KCNK10: variants seen among roughly 807,000 people sequenced by gnomAD.
KCNK10 encodes potassium channel subfamily K member 10.
A neutral mutation model predicts 47.7 loss-of-function variants in KCNK10; 25 were observed. The observed-to-expected ratio is 0.52, with a 90% confidence interval of 0.38 to 0.73. The LOEUF (loss-of-function observed/expected upper bound fraction) is 0.73, where lower values mean the gene tolerates loss of function less well. Among genes scored for constraint, KCNK10 ranks in the 30% least tolerant of loss-of-function variants. The pLI is 0.00. For synonymous variants in KCNK10, 303 were observed against 285.6 expected (o/e 1.06, Z -0.61); for missense variants, 563 against 714.5 (o/e 0.79, Z 2.42).
chr14:88,191,893 C>T (rs1884759637), intron 5 of KCNK10, among the ~76,000 whole-genome samples: 1 of 152,186 alleles, frequency 6.6e-6, no homozygotes, highest in Non-Finnish European at 1.5e-5. Context: ...CTAACACAGC[C>T]TTTATCATTG....
chr14:88,245,104 A>G (rs1886593542), intron 2 of KCNK10, among the ~76,000 whole-genome samples: 2 of 152,254 alleles, frequency 1.3e-5, no homozygotes, highest in Admixed American at 1.3e-4. Flanking sequence ...TTTTAAGTTA[A>G]CAATAAATAA....
chr14:88,192,519 G>A (rs917842301), intron 4 of KCNK10, 109 bp from the exon 5 acceptor site: 97 of 892,888 alleles, frequency 1.1e-4, no homozygotes, highest in Non-Finnish European at 1.5e-4. Context: ...CCTTTCTCTG[G>A]TCATTGGCTG....
At chr14:88,262,747 A>T (rs1566706964) in intron 2 of KCNK10, among the ~76,000 whole-genome samples, 1 of 152,228 alleles carries the variant, frequency 6.6e-6, no homozygotes, top group Non-Finnish European at 1.5e-5. Flanking sequence ...GGCCACTGAC[A>T]GCCTCTTCAC....
intron 1 of KCNK10, among the ~76,000 whole-genome samples, chr14:88,277,180 A>G (rs1339334371): frequency 6.6e-6 from 1 of 151,310 alleles, no homozygotes; most frequent in African/African-American, 2.4e-5. Context: ...TTCATTTCAA[A>G]GTCACCAAAA....
Position 88,256,667 on chromosome 14 carries a change from A to G in KCNK10, c.402+6535T>C, listed in dbSNP as rs187427438. ...GGCACTCTGCACTTGAACAGTAGAA[A>G]TAAAATTTTTCTATGAGAAAATCCA... On this transcript the variant is annotated intron_variant, in intron 2 of 6. Transcript: ENST00000319231. Among the ~76,000 whole-genome samples, 25 of 151,964 alleles carry G rather than the reference A, an allele frequency of 1.6e-4. No homozygotes were observed. The East Asian group carries it at 2.9e-3, about 18-fold the overall frequency.
chr14:88,309,123 C>T (rs776147230), intron 1 of KCNK10, among the ~76,000 whole-genome samples: 1 of 152,080 alleles, frequency 6.6e-6, no homozygotes, highest in Non-Finnish European at 1.5e-5. Context: ...AAGAAGACTC[C>T]GGGCAAATAT....
chr14:88,226,297 T>C (rs1168986937), intron 4 of KCNK10, among the ~76,000 whole-genome samples: 3 of 152,172 alleles, frequency 2.0e-5, no homozygotes. Flanking sequence ...AAAAAGCCTC[T>C]GAAACTGCTC....
chr14:88,211,732 C>T (rs1184462709), intron 4 of KCNK10, among the ~76,000 whole-genome samples: 1 of 151,446 alleles, frequency 6.6e-6, no homozygotes, highest in Non-Finnish European at 1.5e-5. Context: ...CCCGTCTCTA[C>T]TAAAAATACA....
intron 1 of KCNK10, among the ~76,000 whole-genome samples, chr14:88,294,633 C>T (rs1166061014): frequency 6.6e-6 from 1 of 152,164 alleles, no homozygotes; most frequent in Non-Finnish European, 1.5e-5. Context: ...AGGCCTCAAG[C>T]AATCCAAATA....
In KCNK10 at chr14:88,192,263, C is replaced by T. The variant is rs769809431; in HGVS notation, c.829G>A (p.Val277Ile). The change falls in exon 5 of 7, where the codon GTC becomes ATC. Residue 277 changes from valine to isoleucine, a missense_variant. Coordinates refer to ENST00000319231, the MANE Select transcript of KCNK10 (RefSeq NM_138317.3). ...CCAAAGCCCACCGTGGTCAGAGTGA[C>T]CACCACAAAGTAAATGGACTCCAAG... ...TALESIYFVV[V>I]TLTTVGFGDF... is the part of the protein sequence containing the mutation. 3.7e-6 allele frequency: 6 copies of T among 1,613,704 alleles called. No individual in the cohort carries two copies. Among genetic ancestry groups the T allele is most frequent in the Non-Finnish European group, 4.2e-6 (5 of 1,179,882 alleles).
intron 2 of KCNK10, among the ~76,000 whole-genome samples, chr14:88,258,873 C>G (rs4904440): frequency 0.67 from 101,598 of 152,000 alleles, 34,435 homozygotes; most frequent in African/African-American, 0.79. Flanking sequence ...GGCTATCCAG[C>G]CATTTTGAGG....
chr14:88,192,246 C>T lies in KCNK10; in HGVS notation c.846G>A (p.Val282=). The T allele has an allele frequency of 6.2e-7, 1 of 1,613,390 alleles. No homozygotes were observed. Among genetic ancestry groups the T allele is most frequent in the Non-Finnish European group, 8.5e-7 (1 of 1,179,668 alleles). ...TACCTGCCACAAAATCACCAAAGCC[C>T]ACCGTGGTCAGAGTGACCACCACAA... ...IYFVVVTLTT[V]GFGDFVAGGN... is the part of the protein sequence containing the mutation. Residue 282 remains valine, a synonymous_variant, in exon 5 of 7, where the codon GTG becomes GTA. Transcript: ENST00000319231.
Position 88,188,086 on chromosome 14 carries a change from G to A in KCNK10, c.892C>T (p.Arg298Trp), listed in dbSNP as rs763733103. ...VAGGNAGINYREWYKPLVWFW... is the reference protein window; with the variant it reads ...VAGGNAGINYWEWYKPLVWFW... ...CACACTAGGGGCTTATACCACTCCCGATAATTGATGCCAGCGTTTCCCCCT... is the reference window on the plus strand; with the variant it reads ...CACACTAGGGGCTTATACCACTCCCAATAATTGATGCCAGCGTTTCCCCCT... The change falls in exon 6 of 7, where the codon CGG becomes TGG. Residue 298 changes from arginine (R) to tryptophan (W), a missense_variant. By Grantham distance (101) the Arg-to-Trp change is moderately radical (BLOSUM62 -3). Coordinates refer to ENST00000319231, the MANE Select transcript of KCNK10 (RefSeq NM_138317.3). 5 of 1,614,140 alleles carry A rather than the reference G, an allele frequency of 3.1e-6. No homozygotes were observed. The highest frequency in any genetic ancestry group is 4.2e-6 in the Non-Finnish European group (5 of 1,180,004).
At chr14:88,241,452 C>G (rs1430229930) in intron 2 of KCNK10, among the ~76,000 whole-genome samples, 1 of 152,094 alleles carries the variant, frequency 6.6e-6, no homozygotes, top group Non-Finnish European at 1.5e-5. Flanking sequence ...TAGGGTTTAC[C>G]AAACAGTAGC....
chr14:88,232,997 T>C (rs556356697), intron 3 of KCNK10, among the ~76,000 whole-genome samples: 1 of 152,310 alleles, frequency 6.6e-6, no homozygotes, highest in Admixed American at 6.5e-5. Context: ...AGATGGCAGC[T>C]GCAGCAGCCA....
At chr14:88,207,800 C>T (rs1345342435) in intron 4 of KCNK10, among the ~76,000 whole-genome samples, 2 of 152,094 alleles carry the variant, frequency 1.3e-5, no homozygotes, top group Admixed American at 6.5e-5. Flanking sequence ...GGGATGCCCA[C>T]CATCAATACA....
At chr14:88,214,464 G>C (rs1004049714) in intron 4 of KCNK10, among the ~76,000 whole-genome samples, 1 of 152,216 alleles carries the variant, frequency 6.6e-6, no homozygotes, top group Admixed American at 6.5e-5. Flanking sequence ...TGCTCTCGCA[G>C]AGGTGGGTCA....
At chr14:88,249,697 C>T (rs1213160880) in intron 2 of KCNK10, among the ~76,000 whole-genome samples, 8 of 152,116 alleles carry the variant, frequency 5.3e-5, no homozygotes, top group Non-Finnish European at 7.4e-5. Context: ...TCCTCTGTTG[C>T]TTACCCCACT....
chr14:88,324,817 G>A (rs12894165), upstream of KCNK10, among the ~76,000 whole-genome samples: 1 of 151,928 alleles, frequency 6.6e-6, no homozygotes, highest in African/African-American at 2.4e-5. Context: ...CCATCCATCC[G>A]TCACTATCAC....
Sources: gnomAD v4.1 joint callset for allele counts (sites outside exome capture counted in the v4.1 genomes callset) on GRCh38, gnomAD v4.1.1 for gene constraint, MANE v1.5 for transcripts, NCBI Gene and HGNC (gene_info 2026-07-23, HGNC 2026-07-21) for gene names.